Variants in ZNF248 observed in about 807,000 individuals in gnomAD.
ZNF248 encodes the protein zinc finger protein 248.
A neutral mutation model predicts 44.3 loss-of-function variants in ZNF248; 20 were observed. The observed-to-expected ratio is 0.45, with a 90% CI of 0.32 to 0.66. The LOEUF is 0.66. ZNF248 is among the 30% of genes least tolerant of loss of function. The pLI is 0.04. For synonymous variants in ZNF248, 224 were observed against 229.0 expected, an observed-to-expected ratio of 0.98 and a Z score of 0.20; for missense variants, 654 against 677.0, an observed-to-expected ratio of 0.97 and a Z score of 0.38.
intron 6 of ZNF248, among the ~76,000 whole-genome samples, chr10:37,784,620 A>G (rs555489800): frequency 6.6e-6 from 1 of 152,336 alleles, no homozygotes; most frequent in South Asian, 2.1e-4. Context: ...ACTTCCCTGA[A>G]GAAGACTCAA....
intron 6 of ZNF248, among the ~76,000 whole-genome samples, chr10:37,793,228 G>T (rs193210318): frequency 6.6e-6 from 1 of 151,972 alleles, no homozygotes; most frequent in Admixed American, 6.6e-5. Flanking sequence ...CCAGCTACTC[G>T]GGAGGCTGAG....
upstream of ZNF248, chr10:37,857,980 C>A (rs567264084): frequency 6.6e-6 from 1 of 152,390 alleles, no homozygotes; most frequent in East Asian, 1.9e-4. Flanking sequence ...ACCCCCTGGC[C>A]CTCGCCCAGT....
chr10:37,830,047 G>A lies in ZNF248; in HGVS notation c.*1568C>T. 2 of 985,384 alleles carry A rather than the reference G, an allele frequency of 2.0e-6. No homozygotes were observed. Among genetic ancestry groups the A allele is most frequent in the Non-Finnish European group, 2.4e-6 (2 of 829,938 alleles). 61.0% of individuals were successfully genotyped at this position (985,384 alleles called of 1,614,324 possible). On this transcript the variant is annotated 3_prime_UTR_variant, in exon 6 of 6. Transcript: ENST00000395867. ...GGGGCAAAAGAAACAACAGGACAAG[G>A]GAGGCAGAGATACTCTAAAATACTA...
chr10:37,829,653 T>C lies in ZNF248; in HGVS notation c.*1962A>G, dbSNP rs935612396. ...GCAACGTCACCTCTGAGCTGGCTTT[T>C]CCCACCTTGTGCACTGTTATCTTCA... On this transcript the variant is annotated 3_prime_UTR_variant, in exon 6 of 6. Coordinates refer to ENST00000395867, the MANE Select transcript of ZNF248 (RefSeq NM_021045.3). 3 of 985,372 alleles carry C rather than the reference T, an allele frequency of 3.0e-6. No individual in the cohort carries two copies. The African/African-American group carries it at 5.2e-5, about 17-fold the overall frequency. The allele number at this position is 985,372 out of a possible 1,614,324, so 61.0% of individuals were successfully genotyped here. A position where few individuals can be genotyped will look rare whatever the true frequency, so the allele number is the denominator to read the frequency against.
chr10:37,760,250 A>C, the ZNF248 span, among the ~76,000 whole-genome samples: 1 of 151,958 alleles, frequency 6.6e-6, no homozygotes, highest in Non-Finnish European at 1.5e-5. Flanking sequence ...TGTTTTTGAA[A>C]GAGGGTCTTG....
rs148448314 is a variant in ZNF248, at chr10:37,811,152, G to C, written c.330+21873C>G. ...TGATATTACAAGAAAAAGATGGATT[G>C]CTTAATATGTACTTTAGATTGAGGT... On this transcript the variant is annotated intron_variant, in intron 6 of 6. Transcript: ENST00000615949. Among the ~76,000 whole-genome samples the C allele has an allele frequency of 3.5e-3, 531 of 152,312 alleles. 4 individuals are homozygous for C. The highest frequency in any genetic ancestry group is 0.012 in the African/African-American group (504 of 41,578).
Position 37,833,109 on chromosome 10 carries a change from T to C in ZNF248, c.246A>G (p.Lys82=). The C allele has an allele frequency of 6.3e-7, 1 of 1,581,524 alleles. No individual in the cohort carries two copies. The highest frequency in any genetic ancestry group is 8.6e-7 in the Non-Finnish European group (1 of 1,168,654). The change falls in exon 6 of 6, where the codon AAA becomes AAG. Residue 82 remains lysine, a synonymous_variant. Transcript: ENST00000395867. ...TCTCTAACACGTCATCAACTTTCCA[T>C]TTCCTTTCTAGAAATGAGAAAAATA... ...GFPSQCHPER[K]WKVDDVLESS... is the part of the protein sequence containing the mutation.
chr10:37,823,474 G>A (rs1423538696), intron 6 of ZNF248, among the ~76,000 whole-genome samples: 7 of 151,368 alleles, frequency 4.6e-5, no homozygotes, highest in South Asian at 2.1e-4. Context: ...CTGTACTGCA[G>A]CTAGAACAAA....
chr10:37,838,192 AGTTTACT>A, intron 3 of ZNF248, 81 bp from the exon 4 acceptor site: 1 of 1,358,956 alleles, frequency 7.4e-7, no homozygotes, highest in Admixed American at 2.2e-5. Flanking sequence ...ATCTCTTTAG[AGTTTACT>A]AAAAAATGAC....
At chr10:37,825,374 T>C (rs1478910659), downstream of ZNF248, among the ~76,000 whole-genome samples, 3 of 152,194 alleles carry the variant, frequency 2.0e-5, no homozygotes, top group East Asian at 3.9e-4. Context: ...ATTAGTAAGG[T>C]TGGAATTTTT....
At chr10:37,835,773 A>C (rs2057035043) in intron 5 of ZNF248, among the ~76,000 whole-genome samples, 1 of 152,202 alleles carries the variant, frequency 6.6e-6, no homozygotes. Context: ...CATTTACAAA[A>C]AAAGTCTGTT....
chr10:37,833,061 G>A lies in ZNF248; in HGVS notation c.294C>T (p.Asp98=). Residue 98 remains aspartate (D), a synonymous_variant, in exon 6 of 6, where the codon GAC becomes GAT. Coordinates refer to ENST00000395867, the MANE Select transcript of ZNF248 (RefSeq NM_021045.3). The stretch of plus-strand genomic sequence containing the variant: ...TGTGGAATAGAAGCTCCCAAAAATG[G>A]TCATCTTCATTTTCCTGGCTGCTCT... ...VLESSQENED[D]HFWELLFHNN... is the part of the protein sequence containing the mutation. The A allele has an allele frequency of 1.9e-6, 3 of 1,610,456 alleles. No individual in the cohort carries two copies. The highest frequency in any genetic ancestry group is 1.1e-5 in the South Asian group (1 of 90,476).
rs1478295843 is a variant in ZNF248, at chr10:37,833,022, T to A, written c.333A>T (p.Val111=). The change falls in exon 6 of 6, where the codon GTA becomes GTT. Residue 111 remains valine, a synonymous_variant. Coordinates refer to ENST00000395867, the MANE Select transcript of ZNF248 (RefSeq NM_021045.3). ...TTCCTCTATCTCCATTTTCTACACTTACTGTTTTGTTGTTGTGGAATAGAA... is the reference window on the plus strand; with the variant it reads ...TTCCTCTATCTCCATTTTCTACACTAACTGTTTTGTTGTTGTGGAATAGAA... ...WELLFHNNKT[V]SVENGDRGSK... 6.8e-6 allele frequency: 11 copies of A among 1,613,704 alleles called. No homozygotes were observed. The highest frequency in any genetic ancestry group is 9.3e-6 in the Non-Finnish European group (11 of 1,179,784).
intron 3 of ZNF248, among the ~76,000 whole-genome samples, chr10:37,854,151 T>C (rs1272178564): frequency 2.6e-5 from 4 of 152,238 alleles, no homozygotes; most frequent in Admixed American, 2.0e-4. Flanking sequence ...TTAGAATACA[T>C]GGGCAGATTC....
the ZNF248 span, among the ~76,000 whole-genome samples, chr10:37,760,043 C>T: frequency 1.3e-5 from 2 of 152,154 alleles, no homozygotes; most frequent in Non-Finnish European, 2.9e-5. Flanking sequence ...ATCTGAGTCC[C>T]AATCCCTGGA....
At chr10:37,849,300 G>C (rs1033054905) in intron 3 of ZNF248, among the ~76,000 whole-genome samples, 4 of 149,982 alleles carry the variant, frequency 2.7e-5, no homozygotes, top group African/African-American at 9.8e-5. Flanking sequence ...GTGAGATCCT[G>C]TCTTTAAAGA....
chr10:37,758,572 T>C, the ZNF248 span, among the ~76,000 whole-genome samples: 1 of 152,246 alleles, frequency 6.6e-6, no homozygotes, highest in African/African-American at 2.4e-5. Context: ...ATGAAAGTCA[T>C]ATACTCACAA....
At chr10:37,789,543 G>T (rs1037174137) in intron 6 of ZNF248, among the ~76,000 whole-genome samples, 2 of 152,196 alleles carry the variant, frequency 1.3e-5, no homozygotes, top group Non-Finnish European at 2.9e-5. Context: ...ACAGGGCAAT[G>T]AAGATCTTTT....
At chr10:37,765,605 C>T in the ZNF248 span, among the ~76,000 whole-genome samples, 5 of 152,192 alleles carry the variant, frequency 3.3e-5, no homozygotes, top group African/African-American at 9.7e-5. Context: ...GCTCTTAAGT[C>T]CACAAATCAC....
Sources: gnomAD v4.1 joint callset for allele counts (sites outside exome capture counted in the v4.1 genomes callset) on GRCh38, gnomAD v4.1.1 for gene constraint, MANE v1.5 for transcripts, NCBI Gene and HGNC (gene_info 2026-07-23, HGNC 2026-07-21) for gene names.